RFC3: variants seen among roughly 807,000 people sequenced by gnomAD.
RFC3 encodes the protein replication factor C subunit 3.
RFC3 carries 41 observed loss-of-function variants against 45.1 expected under a neutral mutation model. The observed-to-expected ratio is 0.91, with a 90% CI of 0.71 to 1.18. The LOEUF is 1.18. Ranked by LOEUF, RFC3 falls within the 50% of genes most tolerant of loss-of-function variation. The probability of loss-of-function intolerance (pLI) is 0.00; values close to 1 mark genes in which losing one functional copy is unlikely to be tolerated. For synonymous variants in RFC3, 149 were observed against 144.0 expected, an observed-to-expected ratio of 1.03 and a Z score of -0.25; for missense variants, 423 against 428.1, an observed-to-expected ratio of 0.99 and a Z score of 0.10.
downstream of RFC3, among the ~76,000 whole-genome samples, chr13:33,969,144 C>G (rs2083100432): frequency 6.6e-6 from 1 of 152,200 alleles, no homozygotes; most frequent in Non-Finnish European, 1.5e-5. Flanking sequence ...CTTTGATTGC[C>G]TTCAACTCCT....
Position 33,836,144 on chromosome 13 carries a change from T to C in RFC3, c.920T>C (p.Leu307Pro). The C allele has an allele frequency of 1.2e-6, 2 of 1,613,122 alleles. No individual in the cohort carries two copies. Among genetic ancestry groups the C allele is most frequent in the Non-Finnish European group, 1.7e-6 (2 of 1,179,282 alleles). Reference sequence around the variant, plus strand: ...CTGTTACATAATTGTGATGGACAACTGAAAGGGGAGGTGGCACAAATGGCA... The same window carrying C: ...CTGTTACATAATTGTGATGGACAACCGAAAGGGGAGGTGGCACAAATGGCA... ...SELLHNCDGQLKGEVAQMAAY... is the reference protein window; with the variant it reads ...SELLHNCDGQPKGEVAQMAAY... The change falls in exon 9 of 9, where the codon CTG becomes CCG. Residue 307 changes from leucine (L) to proline (P), a missense_variant. Physicochemically the swap from Leu to Pro is moderately conservative, Grantham distance 98 (BLOSUM62 -3). Coordinates refer to ENST00000380071, the MANE Select transcript of RFC3 (RefSeq NM_002915.4).
At chr13:33,887,477 G>T (rs983477057) in intron 8 of RFC3, among the ~76,000 whole-genome samples, 22 of 152,196 alleles carry the variant, frequency 1.4e-4, no homozygotes, top group African/African-American at 4.8e-4. Context: ...CTTTTTGATG[G>T]TGTTGTTTGG....
At chr13:33,937,354 A>G (rs540292738) in intron 8 of RFC3, among the ~76,000 whole-genome samples, 1 of 152,338 alleles carries the variant, frequency 6.6e-6, no homozygotes, top group Non-Finnish European at 1.5e-5. Context: ...CAATGTTTGT[A>G]AAATGATGAA....
downstream of RFC3, among the ~76,000 whole-genome samples, chr13:33,839,737 A>G (rs907078874): frequency 6.6e-6 from 1 of 152,160 alleles, no homozygotes; most frequent in Non-Finnish European, 1.5e-5. Flanking sequence ...GTCTGGCATC[A>G]TTTATTTTAA....
At chr13:33,935,066 C>T (rs1011289254) in intron 8 of RFC3, among the ~76,000 whole-genome samples, 3 of 152,056 alleles carry the variant, frequency 2.0e-5, no homozygotes, top group Admixed American at 6.6e-5. Flanking sequence ...ATAACTGGAT[C>T]ATGTCAAGGT....
chr13:33,890,704 A>T (rs555913989), intron 8 of RFC3, among the ~76,000 whole-genome samples: 1 of 152,292 alleles, frequency 6.6e-6, no homozygotes, highest in Admixed American at 6.5e-5. Context: ...CTCTTAAGAT[A>T]GGTAATCTTA....
At chr13:33,950,914 A>T (rs2082985742) in intron 8 of RFC3, among the ~76,000 whole-genome samples, 2 of 152,132 alleles carry the variant, frequency 1.3e-5, no homozygotes, top group Middle Eastern at 3.4e-3. Context: ...GTTTCCACCC[A>T]CATGTTTACT....
chr13:33,836,183 A>C lies in RFC3; in HGVS notation c.959A>C (p.His320Pro). ...EVAQMAAYYE[H>P]RLQLGSKAIY... Reference sequence around the variant, plus strand: ...GCACAAATGGCAGCTTACTATGAGCATCGTCTACAGCTGGGTAGCAAAGCC... The same window carrying C: ...GCACAAATGGCAGCTTACTATGAGCCTCGTCTACAGCTGGGTAGCAAAGCC... The change falls in exon 9 of 9, where the codon CAT (histidine) becomes CCT (proline). Residue 320 changes from histidine (H) to proline (P), a missense_variant. His to Pro is a moderately conservative substitution (Grantham distance 77). Coordinates refer to ENST00000380071, the MANE Select transcript of RFC3 (RefSeq NM_002915.4). The C allele has an allele frequency of 6.2e-7, 1 of 1,613,500 alleles. No homozygotes were observed. Among genetic ancestry groups the C allele is most frequent in the Non-Finnish European group, 8.5e-7 (1 of 1,179,532 alleles).
chr13:33,893,724 C>T (rs1187454477), intron 8 of RFC3, among the ~76,000 whole-genome samples: 3 of 151,870 alleles, frequency 2.0e-5, no homozygotes, highest in Non-Finnish European at 4.4e-5. Context: ...CTGAGAAATA[C>T]ATTTGCTGAA....
Position 33,886,103 on chromosome 13 carries a change from G to A in RFC3, c.879+50886G>A, listed in dbSNP as rs145859334. Reference sequence around the variant, plus strand: ...TCTTGTAATTGCATGTGGTAAACCTGAGACTTCAGAAATCGCCTTTTGACC... The same window carrying A: ...TCTTGTAATTGCATGTGGTAAACCTAAGACTTCAGAAATCGCCTTTTGACC... On this transcript the variant is annotated intron_variant, in intron 8 of 8. Transcript: ENST00000434425. Among the ~76,000 whole-genome samples, 561 of 152,158 alleles carry A rather than the reference G, an allele frequency of 3.7e-3. 4 individuals carry two copies. Among genetic ancestry groups the A allele is most frequent in the Non-Finnish European group, 4.6e-3 (315 of 68,008 alleles).
chr13:33,907,144 G>T (rs2082676822), intron 8 of RFC3, among the ~76,000 whole-genome samples: 1 of 151,944 alleles, frequency 6.6e-6, no homozygotes, highest in African/African-American at 2.4e-5. Context: ...TTTTTCTGTT[G>T]CTCACATACC....
intron 6 of RFC3, 121 bp downstream of exon 6, chr13:33,830,976 A>G: frequency 2.6e-6 from 2 of 760,006 alleles, no homozygotes; most frequent in Non-Finnish European, 4.2e-6. Context: ...TGGTTTCAGG[A>G]TGAAATTGTT....
intron 8 of RFC3, among the ~76,000 whole-genome samples, chr13:33,843,103 C>T (rs1243276802): frequency 6.6e-6 from 1 of 151,904 alleles, no homozygotes; most frequent in Non-Finnish European, 1.5e-5. Flanking sequence ...AAAAAAACCT[C>T]AACTCTTGGC....
At chr13:33,853,203 T>A (rs957224087) in intron 8 of RFC3, among the ~76,000 whole-genome samples, 5 of 151,622 alleles carry the variant, frequency 3.3e-5, no homozygotes, top group Non-Finnish European at 7.4e-5. Flanking sequence ...TCCACAGACT[T>A]TTAAGACTCC....
chr13:33,835,789 T>C (rs996874324), intron 8 of RFC3, among the ~76,000 whole-genome samples: 2 of 152,154 alleles, frequency 1.3e-5, no homozygotes, highest in Non-Finnish European at 2.9e-5. Flanking sequence ...GGTGGAACTT[T>C]AGGTTGTCTA....
In RFC3 at chr13:33,818,314, C is replaced by G. The variant is rs750197079; in HGVS notation, c.87+49C>G. Reference sequence around the variant, plus strand: ...GTGGGAGAGGGGAGGCCCCCCGGCTCGGGGTTTCGCGCCCCCCTGAGGAGC... The same window carrying G: ...GTGGGAGAGGGGAGGCCCCCCGGCTGGGGGTTTCGCGCCCCCCTGAGGAGC... On this transcript the variant is annotated intron_variant, in intron 1 of 8. Coordinates refer to ENST00000380071, the MANE Select transcript of RFC3 (RefSeq NM_002915.4). The G allele has an allele frequency of 5.3e-6, 8 of 1,496,880 alleles. No homozygotes were observed. The South Asian group carries it at 8.0e-5, about 15-fold the overall frequency. The allele number at this position is 1,496,880 out of a possible 1,614,324, so 92.7% of individuals were successfully genotyped here.
intron 8 of RFC3, among the ~76,000 whole-genome samples, chr13:33,897,407 A>G (rs2082607583): frequency 6.6e-6 from 1 of 152,052 alleles, no homozygotes; most frequent in African/African-American, 2.4e-5. Context: ...TCATAACATA[A>G]AAACCTATAA....
chr13:33,891,381 G>A (rs2137634843), intron 8 of RFC3, among the ~76,000 whole-genome samples: 1 of 152,190 alleles, frequency 6.6e-6, no homozygotes, highest in African/African-American at 2.4e-5. Context: ...CACCAGTAGA[G>A]GACTAAATGA....
chr13:33,952,631 C>G (rs973972082), intron 8 of RFC3, among the ~76,000 whole-genome samples: 5 of 152,264 alleles, frequency 3.3e-5, no homozygotes, highest in Non-Finnish European at 7.4e-5. Flanking sequence ...TCAAATCACC[C>G]TCTTAACAAC....
Sources: gnomAD v4.1 joint callset for allele counts (sites outside exome capture counted in the v4.1 genomes callset) on GRCh38, gnomAD v4.1.1 for gene constraint, MANE v1.5 for transcripts, NCBI Gene and HGNC (gene_info 2026-07-23, HGNC 2026-07-21) for gene names.